Variants in BUB1B observed in about 807,000 individuals in gnomAD.
BUB1B encodes mitotic checkpoint serine/threonine-protein kinase BUB1 beta.
A neutral mutation model predicts 137.7 loss-of-function variants in BUB1B; 86 were observed. The observed-to-expected ratio is 0.62, with a 90% confidence interval of 0.52 to 0.75. The LOEUF is 0.75. Among genes scored for constraint, BUB1B ranks in the 30% least tolerant of loss-of-function variants. The probability of loss-of-function intolerance (pLI) is 0.00; values close to 1 mark genes in which losing one functional copy is unlikely to be tolerated. For missense variants in BUB1B, 1,130 were observed against 1,236.9 expected (o/e 0.91, Z 1.30); for synonymous variants, 420 against 417.9 (o/e 1.00, Z -0.06).
chr15:40,168,297 G>A (rs1307734469), intron 2 of BUB1B, among the ~76,000 whole-genome samples: 4 of 152,104 alleles, frequency 2.6e-5, no homozygotes, highest in Non-Finnish European at 5.9e-5. Context: ...AACCTAGGAG[G>A]TGGAGGTTGC....
At chr15:40,213,623 T>C in intron 20 of BUB1B, 149 bp downstream of exon 20, 1 of 846,474 alleles carries the variant, frequency 1.2e-6, no homozygotes, top group South Asian at 1.5e-5. Context: ...GCAGCCTCCA[T>C]CTCCCAGGTT....
intron 8 of BUB1B, among the ~76,000 whole-genome samples, chr15:40,194,287 A>C (rs1340811683): frequency 2.6e-5 from 4 of 152,160 alleles, no homozygotes; most frequent in Non-Finnish European, 5.9e-5. Flanking sequence ...AAAAAGAGAT[A>C]GTTTTGCTTC....
intron 20 of BUB1B, among the ~76,000 whole-genome samples, chr15:40,215,886 C>T (rs113172451): frequency 0.014 from 2,177 of 152,066 alleles, 59 homozygotes; most frequent in African/African-American, 0.05. Context: ...TCAAGACCAG[C>T]CTGGTCAACA....
At chr15:40,170,756 CAA>C (rs901141075) in intron 4 of BUB1B, 75 bp downstream of exon 4, 3 of 1,458,552 alleles carry the variant, frequency 2.1e-6, no homozygotes, top group Non-Finnish European at 2.8e-6. Context: ...TCTGGTATAC[CAA>C]AAAAAAAGTA....
At chr15:40,218,597 C>A (rs369835635) in intron 22 of BUB1B, 35 bp downstream of exon 22, 3 of 1,487,568 alleles carry the variant, frequency 2.0e-6, no homozygotes, top group Non-Finnish European at 2.8e-6. Flanking sequence ...CTCTGCCTGT[C>A]CCAATAATTT....
chr15:40,187,958 A>G (rs1381189850), intron 8 of BUB1B, among the ~76,000 whole-genome samples: 5 of 152,236 alleles, frequency 3.3e-5, no homozygotes, highest in Non-Finnish European at 7.3e-5. Context: ...GAAATGGATA[A>G]CATACATTTG....
In BUB1B at chr15:40,193,729, A is replaced by G. The variant is rs541730358; in HGVS notation, c.1059-2816A>G. Among the ~76,000 whole-genome samples the G allele has an allele frequency of 9.3e-4, 141 of 152,132 alleles. No homozygotes were observed. In the South Asian group the frequency reaches 0.013, roughly 14 times the overall value. On this transcript the variant is annotated intron_variant, in intron 8 of 22. Transcript: ENST00000287598. ...GCCAACATGGCAAAACCCCATCTCT[A>G]CTAAAAATACAAAAATTAGCTGGGC...
Position 40,184,145 on chromosome 15 carries a change from T to C in BUB1B, c.751+262T>C, listed in dbSNP as rs1238572376. The stretch of plus-strand genomic sequence containing the variant: ...GTTTGAATTGTTAGTTGAAAGAAGA[T>C]ATGTAGTAACATAGCAGGTGTTGTT... On this transcript the variant is annotated intron_variant, in intron 6 of 22. Transcript: ENST00000287598. 3.3e-5 allele frequency among the ~76,000 whole-genome samples: 5 copies of C among 152,194 alleles called. 1 individual carries two copies. The highest frequency in any genetic ancestry group is 1.2e-4 in the African/African-American group (5 of 41,446).
At chr15:40,193,451 T>TATA (rs2037460640) in intron 8 of BUB1B, among the ~76,000 whole-genome samples, 1 of 151,348 alleles carries the variant, frequency 6.6e-6, no homozygotes, top group African/African-American at 2.4e-5. Flanking sequence ...TTTTTTTTTT[T>TATA]TATATGCTTA....
intron 20 of BUB1B, among the ~76,000 whole-genome samples, chr15:40,214,106 T>C (rs1335631661): frequency 6.6e-6 from 1 of 152,220 alleles, no homozygotes; most frequent in Non-Finnish European, 1.5e-5. Flanking sequence ...CCAGTGCCAC[T>C]CTAGCGAGGA....
intron 14 of BUB1B, among the ~76,000 whole-genome samples, chr15:40,204,858 A>G (rs1047330830): frequency 1.3e-5 from 2 of 149,468 alleles, no homozygotes; most frequent in Non-Finnish European, 3.0e-5. Context: ...CTGGTCTCAA[A>G]CTCCTGTGCT....
In BUB1B at chr15:40,196,649, C is replaced by T. The variant is rs771602632; in HGVS notation, c.1163C>T (p.Ala388Val). 5.6e-6 allele frequency: 9 copies of T among 1,613,630 alleles called. No homozygotes were observed. The highest frequency in any genetic ancestry group is 3.3e-4 in the Middle Eastern group (2 of 6,084). Residue 388 changes from alanine to valine, a missense_variant, in exon 9 of 23, where the codon GCG becomes GTG. Ala to Val is a moderately conservative substitution (Grantham distance 64). Coordinates refer to ENST00000287598, the MANE Select transcript of BUB1B (RefSeq NM_001211.6). Reference protein sequence around the residue: ...PLQRVQSHQQASEEKKEKMMY... With the variant: ...PLQRVQSHQQVSEEKKEKMMY... ...CAAAGGGTTCAGAGCCATCAGCAAG[C>T]GTCTGAGGAGAAGAAAGAGAAGATG...
In BUB1B at chr15:40,213,037, A is replaced by G. The variant is rs376503532; in HGVS notation, c.2536-295A>G. On this transcript the variant is annotated intron_variant, in intron 19 of 22. Coordinates refer to ENST00000287598, the MANE Select transcript of BUB1B (RefSeq NM_001211.6). ...AGGTTTGCTATGGATTTTGATGATA[A>G]TATGAATTCTCAAAAATGGTTGGAA... 1.4e-4 allele frequency among the ~76,000 whole-genome samples: 22 copies of G among 152,222 alleles called. No homozygotes were observed. In the East Asian group the frequency reaches 2.3e-3, roughly 16 times the overall value.
intron 9 of BUB1B, among the ~76,000 whole-genome samples, chr15:40,197,453 T>A (rs540016632): frequency 6.6e-6 from 1 of 152,068 alleles, no homozygotes; most frequent in South Asian, 2.1e-4. Flanking sequence ...GCTTAAGGCA[T>A]GAGAAGGTGA....
At chr15:40,196,852 A>C in intron 9 of BUB1B, 78 bp downstream of exon 9, 1 of 1,293,962 alleles carries the variant, frequency 7.7e-7, no homozygotes, top group Non-Finnish European at 1.1e-6. Context: ...GTCTGAAGAA[A>C]ACTAACCTTA....
At chr15:40,212,753 G>A in intron 19 of BUB1B, 105 bp downstream of exon 19, 1 of 1,039,062 alleles carries the variant, frequency 9.6e-7, no homozygotes, top group Non-Finnish European at 1.4e-6. Flanking sequence ...TCTAGAAATA[G>A]ACCAATTCAA....
chr15:40,220,874 C>G lies in BUB1B; in HGVS notation c.*115C>G, dbSNP rs1054886186. 2 of 1,121,464 alleles carry G rather than the reference C, an allele frequency of 1.8e-6. No individual in the cohort carries two copies. Among genetic ancestry groups the G allele is most frequent in the Non-Finnish European group, 2.7e-6 (2 of 748,346 alleles). The allele number at this position is 1,121,464 out of a possible 1,614,324, so 69.5% of individuals were successfully genotyped here. On this transcript the variant is annotated 3_prime_UTR_variant, in exon 23 of 23. Transcript: ENST00000287598. ...GACACATTTAGATGCACTACCATTG[C>G]TGTTCTACTTTTTGGTACAGGTATA...
At chr15:40,188,716 G>A (rs1464370479) in intron 8 of BUB1B, among the ~76,000 whole-genome samples, 1 of 150,712 alleles carries the variant, frequency 6.6e-6, no homozygotes, top group Non-Finnish European at 1.5e-5. Context: ...CCGAGTAGCT[G>A]GCATTATAGA....
chr15:40,213,536 T>A (rs2037739786), intron 20 of BUB1B, 62 bp downstream of exon 20: 1 of 1,427,418 alleles, frequency 7.0e-7, no homozygotes, highest in South Asian at 1.2e-5. Context: ...TAGTTGCCAC[T>A]TTTTTTTTTC....
Sources: allele counts gnomAD v4.1 joint callset (sites outside exome capture counted in the v4.1 genomes callset), GRCh38; gene constraint gnomAD v4.1.1; transcripts MANE v1.5; gene names NCBI Gene and HGNC (gene_info 2026-07-23, HGNC 2026-07-21).